The following PTPRD variants were observed in gnomAD, a reference collection of about 807,000 sequenced individuals.
PTPRD encodes protein tyrosine phosphatase receptor type D.
Under a neutral mutation model 214.5 loss-of-function variants are expected in PTPRD, and 34 were observed. That is an observed-to-expected ratio of 0.16 (90% CI 0.12 to 0.21). PTPRD has a LOEUF of 0.21. PTPRD is among the 10% of genes least tolerant of loss of function. The pLI, the probability that PTPRD is intolerant of heterozygous loss-of-function variation, is 1.00. For synonymous variants in PTPRD, 1,128 were observed against 845.7 expected (o/e 1.33, Z -5.79); for missense variants, 2,545 against 2,398.7 (o/e 1.06, Z -1.27).
intron 11 of PTPRD, among the ~76,000 whole-genome samples, chr9:8,957,268 A>G (rs994460684): frequency 2.0e-5 from 3 of 151,852 alleles, no homozygotes; most frequent in Non-Finnish European, 4.4e-5. Context: ...ACTCCTCCAG[A>G]AAAACACTCA....
intron 2 of PTPRD, among the ~76,000 whole-genome samples, chr9:10,538,080 G>C (rs1566812123): frequency 6.6e-6 from 1 of 151,864 alleles, no homozygotes; most frequent in Non-Finnish European, 1.5e-5. Flanking sequence ...AACTTGCATA[G>C]TCTTAATCAA....
intron 5 of PTPRD, among the ~76,000 whole-genome samples, chr9:9,835,961 T>A (rs2056628840): frequency 6.6e-6 from 1 of 152,156 alleles, no homozygotes. Context: ...AAATTACTCT[T>A]ATAGAATTAC....
chr9:9,569,158 T>C (rs1455257371), intron 8 of PTPRD, among the ~76,000 whole-genome samples: 4 of 151,556 alleles, frequency 2.6e-5, no homozygotes, highest in Admixed American at 6.6e-5. Flanking sequence ...ATAGTAATAA[T>C]CCTCTAACTA....
At chr9:10,603,635 G>A (rs118052487) in intron 2 of PTPRD, among the ~76,000 whole-genome samples, 1 of 151,904 alleles carries the variant, frequency 6.6e-6, no homozygotes, top group African/African-American at 2.4e-5. Context: ...GGAATGATAT[G>A]GGTATAAATA....
chr9:9,502,513 A>G (rs1462539766), intron 8 of PTPRD, among the ~76,000 whole-genome samples: 2 of 151,944 alleles, frequency 1.3e-5, no homozygotes, highest in African/African-American at 4.8e-5. Flanking sequence ...AAAATGATAT[A>G]ACTCTTTGGA....
At chr9:10,389,554 G>A (rs191358979) in intron 2 of PTPRD, among the ~76,000 whole-genome samples, 174 of 151,842 alleles carry the variant, frequency 1.1e-3, no homozygotes, top group Admixed American at 3.0e-3. Context: ...ATTTTTGTGA[G>A]ACAAAATAAT....
intron 39 of PTPRD, among the ~76,000 whole-genome samples, chr9:8,346,738 T>C (rs1280451872): frequency 6.6e-6 from 1 of 152,138 alleles, no homozygotes; most frequent in Non-Finnish European, 1.5e-5. Flanking sequence ...AATTTGGATA[T>C]GCCAAAAAGC....
intron 3 of PTPRD, among the ~76,000 whole-genome samples, chr9:10,126,713 A>G (rs914324667): frequency 6.6e-6 from 1 of 152,152 alleles, no homozygotes; most frequent in African/African-American, 2.4e-5. Context: ...CTAGATATTT[A>G]GAAGGGCCTG....
intron 11 of PTPRD, among the ~76,000 whole-genome samples, chr9:8,969,606 TA>T (rs1012704837): frequency 6.6e-6 from 1 of 151,948 alleles, no homozygotes; most frequent in Admixed American, 6.6e-5. Flanking sequence ...CTATGTTTTA[TA>T]AAAAAGTATG....
intron 3 of PTPRD, among the ~76,000 whole-genome samples, chr9:10,240,964 C>A (rs58874299): frequency 0.013 from 1,972 of 150,058 alleles, 53 homozygotes; most frequent in African/African-American, 0.045. Context: ...AAAACACATA[C>A]AACAAAGGCC....
intron 2 of PTPRD, among the ~76,000 whole-genome samples, chr9:10,405,730 A>C (rs1375924797): frequency 6.6e-6 from 1 of 151,648 alleles, no homozygotes; most frequent in East Asian, 1.9e-4. Flanking sequence ...ATGGACCAAA[A>C]GAATAACTTC....
intron 9 of PTPRD, among the ~76,000 whole-genome samples, chr9:9,190,977 G>A (rs2099934768): frequency 6.6e-6 from 1 of 152,182 alleles, no homozygotes; most frequent in African/African-American, 2.4e-5. Flanking sequence ...CTTCAAAAAT[G>A]GATCTTGAAG....
intron 31 of PTPRD, among the ~76,000 whole-genome samples, chr9:8,468,164 G>T (rs1163245033): frequency 2.0e-5 from 3 of 151,970 alleles, no homozygotes; most frequent in Non-Finnish European, 2.9e-5. Flanking sequence ...ACCCAATGCA[G>T]TCATTCATTA....
chr9:9,943,192 A>G (rs751828021), intron 4 of PTPRD, among the ~76,000 whole-genome samples: 7 of 152,164 alleles, frequency 4.6e-5, no homozygotes, highest in Non-Finnish European at 1.0e-4. Context: ...AGTACCTGGA[A>G]CTTGTTAGAT....
intron 3 of PTPRD, among the ~76,000 whole-genome samples, chr9:10,078,011 T>A (rs928892149): frequency 2.0e-5 from 3 of 152,080 alleles, no homozygotes; most frequent in African/African-American, 7.2e-5. Context: ...TTGATATATG[T>A]AAATTCTCAA....
chr9:10,451,409 G>A lies in PTPRD; in HGVS notation c.-599-110392C>T, dbSNP rs902574692. Among the ~76,000 whole-genome samples, 12 of 151,786 alleles carry A rather than the reference G, an allele frequency of 7.9e-5. No homozygotes were observed. The South Asian group carries it at 1.0e-3, about 13-fold the overall frequency. On this transcript the variant is annotated intron_variant, in intron 2 of 45. Transcript: ENST00000381196. ...ATAAAGTCAATCCCATGGCAATTGT[G>A]GCTTTTTCTTTTTTAATACTCAAAT...
In PTPRD at chr9:10,126,877, G is replaced by C. The variant is rs77255127; in HGVS notation, c.-544-93087C>G. Among the ~76,000 whole-genome samples, 646 of 151,228 alleles carry C rather than the reference G, an allele frequency of 4.3e-3. 4 individuals carry two copies. The highest frequency in any genetic ancestry group is 0.015 in the African/African-American group (621 of 41,070). ...CTTTTCTCCTGGCAGTCTAGAATTT[G>C]GTAGTAGTAGATAGAAATTGCCATG... is the stretch of plus-strand genomic sequence containing the variant. On this transcript the variant is annotated intron_variant, in intron 3 of 45. Coordinates refer to ENST00000381196, the MANE Select transcript of PTPRD (RefSeq NM_002839.4).
chr9:9,202,300 T>G (rs1001356199), intron 9 of PTPRD, among the ~76,000 whole-genome samples: 1 of 152,212 alleles, frequency 6.6e-6, no homozygotes, highest in Non-Finnish European at 1.5e-5. Flanking sequence ...CCGAAGTCCC[T>G]ATGCAAGATG....
At chr9:8,402,752 T>C (rs2092566121) in intron 36 of PTPRD, among the ~76,000 whole-genome samples, 1 of 151,986 alleles carries the variant, frequency 6.6e-6, no homozygotes, top group Admixed American at 6.6e-5. Flanking sequence ...TGTAAGGTAA[T>C]CATCCACATA....
Sources: allele counts gnomAD v4.1 joint callset (sites outside exome capture counted in the v4.1 genomes callset), GRCh38; gene constraint gnomAD v4.1.1; transcripts MANE v1.5; gene names NCBI Gene and HGNC (gene_info 2026-07-23, HGNC 2026-07-21).